Variants in DISP3 observed in about 807,000 individuals in gnomAD.
DISP3 encodes the protein dispatched RND transporter family member 3, also known as protein dispatched homolog 3.
A neutral mutation model predicts 135.3 loss-of-function variants in DISP3; 101 were observed. The ratio of observed to expected loss-of-function variants is 0.75; its 90% CI spans 0.64 to 0.88. DISP3 has a LOEUF of 0.88. Ranked by LOEUF, DISP3 falls within the 40% of genes least tolerant of loss-of-function variation. The pLI, the probability that DISP3 is intolerant of heterozygous loss-of-function variation, is 0.00. For synonymous variants in DISP3, 856 were observed against 817.0 expected (o/e 1.05, Z -0.81); for missense variants, 1,713 against 1,878.6 (o/e 0.91, Z 1.63).
rs776143933 is a variant in DISP3, at chr1:11,536,330, C to T, written c.3823C>T (p.Arg1275Ter). 20 of 1,598,864 alleles carry T rather than the reference C, an allele frequency of 1.3e-5. No individual in the cohort carries two copies. In the Admixed American group the frequency reaches 1.8e-4, roughly 15 times the overall value. ...NLPPHQAEDA[R>*]TQRQWRTLEA... The stretch of plus-strand genomic sequence containing the variant: ...GCTCTCCTCTTGCCCCCAGGACGCC[C>T]GAACGCAGCGCCAGTGGCGTACGCT... Residue 1275 changes from arginine to a stop codon, truncating the protein, a stop_gained, in exon 21 of 21, where the codon CGA becomes TGA. Coordinates refer to ENST00000294484, the MANE Select transcript of DISP3 (RefSeq NM_020780.2). LOFTEE classifies it high-confidence loss of function. The surrounding 1 kb of genome is among the most constrained non-coding windows in gnomAD (Gnocchi z 4.3).
Position 11,520,706 on chromosome 1 carries a change from C to T in DISP3, c.2220C>T (p.Leu740=). ...WVIVGLFVSI[L]ILSLVFASRL... is the part of the protein sequence containing the mutation. ...TCACAGGGCTGTTCGTCTCCATCCT[C>T]ATCTTGTCCCTGGTGTTCGCCAGCC... Residue 740 remains leucine (L), a synonymous_variant, in exon 10 of 21, where the codon CTC becomes CTT. Transcript: ENST00000294484. This position sits in a 1 kb window ranked among gnomAD's most constrained non-coding sequence, Gnocchi z 4.8. 6.2e-7 allele frequency: 1 copy of T among 1,613,360 alleles called. No individual in the cohort carries two copies. The highest frequency in any genetic ancestry group is 8.5e-7 in the Non-Finnish European group (1 of 1,179,964).
Position 11,519,337 on chromosome 1 carries a change from C to G in DISP3, c.1890-18C>G, listed in dbSNP as rs1332374341. 3.1e-6 allele frequency: 5 copies of G among 1,612,464 alleles called. No individual in the cohort carries two copies. The highest frequency in any genetic ancestry group is 4.2e-6 in the Non-Finnish European group (5 of 1,179,348). ...CCAGGACCCTCTGGTTCACCCCTGT[C>G]CCCTACTCTCTCCACAGCTGCCACC... On this transcript the variant is annotated intron_variant, in intron 7 of 20. Coordinates refer to ENST00000294484, the MANE Select transcript of DISP3 (RefSeq NM_020780.2). The surrounding 1 kb of genome is among the most constrained non-coding windows in gnomAD (Gnocchi z 4.3).
chr1:11,527,224 T>C (rs1642446318), intron 13 of DISP3, among the ~76,000 whole-genome samples: 1 of 151,510 alleles, frequency 6.6e-6, no homozygotes, highest in African/African-American at 2.4e-5. Flanking sequence ...CGTGAGCCAC[T>C]GCACCCAGCC....
In DISP3 at chr1:11,483,254, G is replaced by A. The variant is rs531048011; in HGVS notation, c.-4+3882G>A. 2.0e-5 allele frequency among the ~76,000 whole-genome samples: 3 copies of A among 152,330 alleles called. No individual in the cohort carries two copies. Among genetic ancestry groups the A allele is most frequent in the East Asian group, 1.9e-4 (1 of 5,190 alleles). On this transcript the variant is annotated intron_variant, in intron 1 of 20. Transcript: ENST00000294484. This position sits in a 1 kb window ranked among gnomAD's most constrained non-coding sequence, Gnocchi z 5.4. ...TGTGTTGTCAAAGCTCTTTGGAAACGGGCACCAGACATGGCTGATGGCCTC... is the reference window on the plus strand; with the variant it reads ...TGTGTTGTCAAAGCTCTTTGGAAACAGGCACCAGACATGGCTGATGGCCTC...
At chr1:11,480,073 G>T (rs368366405) in intron 1 of DISP3, among the ~76,000 whole-genome samples, 27 of 152,046 alleles carry the variant, frequency 1.8e-4, no homozygotes, top group African/African-American at 6.5e-4. Context: ...GCCAAGTCCC[G>T]GGAGCCAACC....
chr1:11,514,439 C>A lies in DISP3; in HGVS notation c.1366C>A (p.Arg456Ser). 1 of 1,613,570 alleles carries A rather than the reference C, an allele frequency of 6.2e-7. No individual in the cohort carries two copies. Among genetic ancestry groups the A allele is most frequent in the Non-Finnish European group, 8.5e-7 (1 of 1,179,444 alleles). The change falls in exon 4 of 21, where the codon CGC becomes AGC. Residue 456 changes from arginine (R) to serine (S), a missense_variant. Physicochemically the swap from Arg to Ser is moderately radical, Grantham distance 110 (BLOSUM62 -1). This residue lies in a region of DISP3 where 1,142 missense variants were observed against 1,384.6 expected (regional missense o/e 0.82). Transcript: ENST00000294484. ...GACAGACCTGTTTGACTATGAAGTG[C>A]GCAGGACGTTCAACAATGACATGCT... Reference protein sequence around the residue: ...GGTDLFDYEVRRTFNNDMLLA... With the variant: ...GGTDLFDYEVSRTFNNDMLLA...
intron 15 of DISP3, among the ~76,000 whole-genome samples, chr1:11,530,476 C>T (rs1315291158): frequency 1.3e-5 from 2 of 152,138 alleles, no homozygotes; most frequent in African/African-American, 4.8e-5. Context: ...ACGGGAATGG[C>T]AGCCATGGAG....
Position 11,502,718 on chromosome 1 carries a change from G to C in DISP3, c.1137G>C (p.Trp379Cys). 2 of 1,614,198 alleles carry C rather than the reference G, an allele frequency of 1.2e-6. No homozygotes were observed. The highest frequency in any genetic ancestry group is 1.7e-6 in the Non-Finnish European group (2 of 1,180,038). The change falls in exon 3 of 21, where the codon TGG becomes TGC. Residue 379 changes from tryptophan (W) to cysteine (C), a missense_variant. Coordinates refer to ENST00000294484, the MANE Select transcript of DISP3 (RefSeq NM_020780.2). ...CCATGACTCACCCTGAGTTCTACTG[G>C]TATGTGGATGAGGGCCTCTCTGCAG... ...ELAMTHPEFY[W>C]YVDEGLSADN...
intron 1 of DISP3, among the ~76,000 whole-genome samples, chr1:11,480,733 G>A (rs571752939): frequency 6.7e-6 from 1 of 149,732 alleles, no homozygotes; most frequent in South Asian, 2.1e-4. Flanking sequence ...TCCTATGGGC[G>A]AAGCATGGGG....
At chr1:11,489,064 C>G (rs1297258857) in intron 1 of DISP3, among the ~76,000 whole-genome samples, 1 of 152,246 alleles carries the variant, frequency 6.6e-6, no homozygotes, top group Non-Finnish European at 1.5e-5. Context: ...TGCTGCTGGT[C>G]TCCTCAGCCC....
intron 1 of DISP3, among the ~76,000 whole-genome samples, chr1:11,500,294 C>A (rs1474255987): frequency 6.6e-6 from 1 of 152,264 alleles, no homozygotes; most frequent in Non-Finnish European, 1.5e-5. Flanking sequence ...TGGGCAATGG[C>A]TGAGCATGTT....
At chr1:11,498,831 T>A (rs1641416955) in intron 1 of DISP3, among the ~76,000 whole-genome samples, 1 of 152,212 alleles carries the variant, frequency 6.6e-6, no homozygotes. Context: ...ATACCCGTTC[T>A]GCAGATGGGG....
rs772485991 is a variant in DISP3, at chr1:11,514,486, C to G, written c.1413C>G (p.Ser471Arg). 6.2e-7 allele frequency: 1 copy of G among 1,614,182 alleles called. No individual in the cohort carries two copies. The highest frequency in any genetic ancestry group is 2.2e-5 in the East Asian group (1 of 44,886). ...NDMLLAFISS[S>R]CIAALVYILT... ...TGCTCCTGGCCTTCATCAGCAGCAGCTGCATTGCTGCCCTGGTCTACATCC... is the reference window on the plus strand; with the variant it reads ...TGCTCCTGGCCTTCATCAGCAGCAGGTGCATTGCTGCCCTGGTCTACATCC... The change falls in exon 4 of 21, where the codon AGC becomes AGG. Residue 471 changes from serine to arginine, a missense_variant. Coordinates refer to ENST00000294484, the MANE Select transcript of DISP3 (RefSeq NM_020780.2).
chr1:11,506,960 C>A (rs1053358138), intron 3 of DISP3, among the ~76,000 whole-genome samples: 2 of 152,102 alleles, frequency 1.3e-5, no homozygotes, highest in Non-Finnish European at 2.9e-5. Context: ...TGCCACCATG[C>A]CCAGCTAGTT....
chr1:11,481,481 C>A (rs756547810), intron 1 of DISP3: 1 of 152,230 alleles, frequency 6.6e-6, no homozygotes, highest in Non-Finnish European at 1.5e-5. Context: ...CCCTTTGACA[C>A]CTCTCCTGCT....
intron 17 of DISP3, chr1:11,533,641 C>T: frequency 1.6e-6 from 1 of 639,936 alleles, no homozygotes; most frequent in South Asian, 1.8e-5. Flanking sequence ...ACTGAAGCCC[C>T]AGGCAGTTCC....
intron 3 of DISP3, among the ~76,000 whole-genome samples, chr1:11,508,093 TG>T (rs1331859924): frequency 1.3e-5 from 2 of 152,220 alleles, no homozygotes; most frequent in Non-Finnish European, 2.9e-5. Context: ...TTTTGACATG[TG>T]TGTATACACT....
At chr1:11,528,905 C>T (rs1262831561) in intron 13 of DISP3, among the ~76,000 whole-genome samples, 1 of 152,234 alleles carries the variant, frequency 6.6e-6, no homozygotes, top group African/African-American at 2.4e-5. Context: ...AATGGCAGGA[C>T]AGCCACCCAC....
In DISP3 at chr1:11,501,498, C is replaced by A. The variant is rs1288536940; in HGVS notation, c.506C>A (p.Ser169Tyr). Residue 169 changes from serine (S) to tyrosine (Y), a missense_variant, in exon 2 of 21, where the codon TCC (serine) becomes TAC (tyrosine). By Grantham distance (144) the Ser-to-Tyr change is moderately radical (BLOSUM62 -2). This residue lies in a region of DISP3 where 571 missense variants were observed against 494.1 expected (regional missense o/e 1.16). Coordinates refer to ENST00000294484, the MANE Select transcript of DISP3 (RefSeq NM_020780.2). This position sits in a 1 kb window ranked among gnomAD's most constrained non-coding sequence, Gnocchi z 4.9. ...LHLGNRSRQA[S>Y]RAPRVIPAAS... Reference sequence around the variant, plus strand: ...CTCGGCAACCGCTCGCGGCAAGCCTCCCGAGCCCCCCGCGTCATCCCCGCG... The same window carrying A: ...CTCGGCAACCGCTCGCGGCAAGCCTACCGAGCCCCCCGCGTCATCCCCGCG... 5 of 1,606,548 alleles carry A rather than the reference C, an allele frequency of 3.1e-6. No individual in the cohort carries two copies. The African/African-American group carries it at 5.4e-5, about 17-fold the overall frequency.
Sources: allele counts gnomAD v4.1 joint callset (sites outside exome capture counted in the v4.1 genomes callset), GRCh38; gene constraint gnomAD v4.1.1; regional missense constraint gnomAD v4.1.1; non-coding constraint Gnocchi (gnomAD v3.1); transcripts MANE v1.5; gene names NCBI Gene and HGNC (gene_info 2026-07-23, HGNC 2026-07-21).